Variants in VASH2 observed in about 807,000 individuals in gnomAD.
The protein encoded by VASH2 is vasohibin 2, also known as tubulinyl-Tyr carboxypeptidase 2.
In VASH2, 28 loss-of-function variants were observed where a neutral mutation model predicts 37.2. The ratio of observed to expected loss-of-function variants is 0.75; its 90% CI spans 0.56 to 1.03. The LOEUF is 1.03. Among genes scored for constraint, VASH2 ranks in the 50% least tolerant of loss-of-function variants. The probability of loss-of-function intolerance (pLI) is 0.00; values close to 1 mark genes in which losing one functional copy is unlikely to be tolerated. For missense variants in VASH2, 419 were observed against 459.1 expected (o/e 0.91, Z 0.80); for synonymous variants, 188 against 174.7 (o/e 1.08, Z -0.60).
chr1:212,959,325 C>A (rs1366370079), intron 2 of VASH2, among the ~76,000 whole-genome samples: 1 of 151,998 alleles, frequency 6.6e-6, no homozygotes, highest in African/African-American at 2.4e-5. Context: ...AATGCCTTGC[C>A]CCCTGAAATG....
At chr1:212,975,070 G>A (rs1401321363) in intron 7 of VASH2, 1 of 152,202 alleles carries the variant, frequency 6.6e-6, no homozygotes, top group Non-Finnish European at 1.5e-5. Flanking sequence ...AACATTTTAC[G>A]AGTTTTGTTT....
At chr1:212,976,142 G>C (rs1667161954) in intron 7 of VASH2, among the ~76,000 whole-genome samples, 1 of 152,122 alleles carries the variant, frequency 6.6e-6, no homozygotes, top group Non-Finnish European at 1.5e-5. Flanking sequence ...TGGGATGTGG[G>C]GTGCATCTTC....
chr1:212,960,462 G>C (rs572302498), intron 2 of VASH2, among the ~76,000 whole-genome samples: 1 of 152,232 alleles, frequency 6.6e-6, no homozygotes, highest in African/African-American at 2.4e-5. Context: ...CTCAGGGAAA[G>C]GGACACACTG....
Position 212,988,385 on chromosome 1 carries a change from G to C in VASH2, c.996-127G>C, listed in dbSNP as rs1572087097. On this transcript the variant is annotated intron_variant, in intron 7 of 7. Transcript: ENST00000517399. ...AGTTGTGAGCTAAGGCTGGCAGGGT[G>C]GGGGAATGGGAGGATGAGACAAATA... 7.8e-6 allele frequency: 7 copies of C among 897,972 alleles called. No homozygotes were observed. In the East Asian group the frequency reaches 1.6e-4, roughly 20 times the overall value. 55.6% of individuals were successfully genotyped at this position (897,972 alleles called of 1,614,324 possible). A position where few individuals can be genotyped will look rare whatever the true frequency, so the allele number is the denominator to read the frequency against.
chr1:212,973,943 C>G lies in VASH2; in HGVS notation c.880-12C>G. On this transcript the variant is annotated splice_polypyrimidine_tract_variant and intron_variant, in intron 6 of 7. Transcript: ENST00000517399. Reference sequence around the variant, plus strand: ...AGGAACCAGGGTGATTAACTCCTCACATCTCCTTCAGATCCTGAAACCTGC... The same window carrying G: ...AGGAACCAGGGTGATTAACTCCTCAGATCTCCTTCAGATCCTGAAACCTGC... The G allele has an allele frequency of 6.2e-7, 1 of 1,612,660 alleles. No homozygotes were observed. Among genetic ancestry groups the G allele is most frequent in the African/African-American group, 1.3e-5 (1 of 74,996 alleles).
chr1:212,956,683 A>G (rs144224809), intron 2 of VASH2, among the ~76,000 whole-genome samples: 162 of 152,322 alleles, frequency 1.1e-3, no homozygotes, highest in African/African-American at 3.8e-3. Flanking sequence ...AGCATTGGGT[A>G]TCTGTATTTC....
chr1:212,962,435 C>G (rs1473867295), intron 3 of VASH2, among the ~76,000 whole-genome samples: 1 of 152,204 alleles, frequency 6.6e-6, no homozygotes, highest in Non-Finnish European at 1.5e-5. Context: ...TTCTGTTTGT[C>G]TGTCCATACC....
In VASH2 at chr1:212,972,832, G is replaced by A; in HGVS notation, c.750G>A (p.Leu250=). 3 of 1,614,196 alleles carry A rather than the reference G, an allele frequency of 1.9e-6. No individual in the cohort carries two copies. Among genetic ancestry groups the A allele is most frequent in the Non-Finnish European group, 2.5e-6 (3 of 1,180,046 alleles). Residue 250 remains leucine, a synonymous_variant, in exon 6 of 8, where the codon CTG becomes CTA. Coordinates refer to ENST00000517399, the MANE Select transcript of VASH2 (RefSeq NM_001301056.2). ...LHTVKKVKIG[L]YVPHEPHSFQ... ...CAGTCAAGAAGGTCAAGATTGGGCT[G>A]TACGTCCCCCATGAGCCTCATAGCT...
chr1:212,951,777 G>T lies in VASH2; in HGVS notation c.235G>T (p.Glu79Ter). The T allele has an allele frequency of 2.5e-6, 4 of 1,608,616 alleles. No individual in the cohort carries two copies. Among genetic ancestry groups the T allele is most frequent in the Non-Finnish European group, 3.4e-6 (4 of 1,178,616 alleles). Reference sequence around the variant, plus strand: ...GGCCAAGGTGCACCCTAAGGGGGGAGAAATGGTGGGCGCCATCAGGAACGC... The same window carrying T: ...GGCCAAGGTGCACCCTAAGGGGGGATAAATGGTGGGCGCCATCAGGAACGC... ...HVAKVHPKGGEMVGAIRNAAF... is the reference protein window; with the variant it reads ...HVAKVHPKGG The change falls in exon 2 of 8, where the codon GAA becomes TAA. Residue 79 changes from glutamate to a stop codon, truncating the protein, a stop_gained. Coordinates refer to ENST00000517399, the MANE Select transcript of VASH2 (RefSeq NM_001301056.2). LOFTEE classifies it high-confidence loss of function. The surrounding 1 kb of genome is among the most constrained non-coding windows in gnomAD (Gnocchi z 4.4).
chr1:212,988,039 C>T (rs760360110), intron 7 of VASH2, among the ~76,000 whole-genome samples: 4 of 152,202 alleles, frequency 2.6e-5, no homozygotes, highest in African/African-American at 9.7e-5. Context: ...TGATTTTATA[C>T]ATTCAAGCCT....
Position 212,951,384 on chromosome 1 carries a change from T to A in VASH2, c.-159T>A. On this transcript the variant is annotated 5_prime_UTR_variant, in exon 2 of 8. Transcript: ENST00000517399. This position sits in a 1 kb window ranked among gnomAD's most constrained non-coding sequence, Gnocchi z 4.4. ...GCCTCCGCGGAGCTCCCGCCGCCGC[T>A]CCCCCTTGGTGAGTCCTGCCGCAGC... 1 of 249,324 alleles carries A rather than the reference T, an allele frequency of 4.0e-6. No homozygotes were observed. The highest frequency in any genetic ancestry group is 1.3e-4 in the South Asian group (1 of 7,446). The allele number at this position is 249,324 out of a possible 1,614,324, so 15.4% of individuals were successfully genotyped here.
chr1:212,973,093 A>G, intron 6 of VASH2, 132 bp downstream of exon 6: 1 of 1,153,300 alleles, frequency 8.7e-7, no homozygotes, highest in Non-Finnish European at 1.2e-6. Flanking sequence ...CTCTTTGCAC[A>G]TACTACTGCA....
At chr1:212,969,099 A>C (rs1232414109) in intron 5 of VASH2, 1 of 985,236 alleles carries the variant, frequency 1.0e-6, no homozygotes, top group Non-Finnish European at 1.2e-6. Context: ...ATTTCAGAAA[A>C]GTGCAGGAAG....
At chr1:212,981,048 AG>A (rs921063729) in intron 7 of VASH2, among the ~76,000 whole-genome samples, 3 of 152,200 alleles carry the variant, frequency 2.0e-5, no homozygotes, top group Non-Finnish European at 2.9e-5. Context: ...AGGGTCACAT[AG>A]GGTCAGACAG....
chr1:212,985,678 A>G (rs1428174894), intron 7 of VASH2, among the ~76,000 whole-genome samples: 1 of 152,052 alleles, frequency 6.6e-6, no homozygotes, highest in African/African-American at 2.4e-5. Context: ...CAGCCTCCCA[A>G]AGTGCTTGGA....
intron 6 of VASH2, 141 bp downstream of exon 6, chr1:212,973,102 C>T (rs1572073202): frequency 9.4e-7 from 1 of 1,063,016 alleles, no homozygotes; most frequent in East Asian, 2.6e-5. Flanking sequence ...CATACTACTG[C>T]AAAGAAAGCC....
chr1:212,960,806 G>A (rs746959313), intron 2 of VASH2, among the ~76,000 whole-genome samples: 3 of 152,194 alleles, frequency 2.0e-5, no homozygotes, highest in South Asian at 2.1e-4. Context: ...GAATGCTTTC[G>A]TGTCCGTCCT....
At chr1:212,961,403 T>G (rs1363981957) in intron 3 of VASH2, 149 bp downstream of exon 3, 2 of 1,500,254 alleles carry the variant, frequency 1.3e-6, no homozygotes, top group Admixed American at 4.3e-5. Context: ...GGTGGGAGTC[T>G]AGAAAGAGTG....
chr1:212,967,056 A>C (rs10779598), intron 5 of VASH2: 669,022 of 1,289,750 alleles, frequency 0.52, 177,572 homozygotes, highest in South Asian at 0.55. Context: ...GCCAGGGAAA[A>C]TTCTAAGAGT....
Sources: allele counts gnomAD v4.1 joint callset (sites outside exome capture counted in the v4.1 genomes callset), GRCh38; gene constraint gnomAD v4.1.1; non-coding constraint Gnocchi (gnomAD v3.1); transcripts MANE v1.5; gene names NCBI Gene and HGNC (gene_info 2026-07-23, HGNC 2026-07-21).